GRAMD2B: variants seen among roughly 807,000 people sequenced by gnomAD.
The protein encoded by GRAMD2B is GRAM domain-containing protein 2B.
In GRAMD2B, 41 loss-of-function variants were observed where a neutral mutation model predicts 59.2. That is an observed-to-expected ratio of 0.69 (90% CI 0.54 to 0.90). The LOEUF (loss-of-function observed/expected upper bound fraction) is 0.90. GRAMD2B is among the 40% of genes least tolerant of loss of function. The pLI is 0.00. For synonymous variants in GRAMD2B, 161 were observed against 182.7 expected, an observed-to-expected ratio of 0.88 and a Z score of 0.96; for missense variants, 424 against 500.5, an observed-to-expected ratio of 0.85 and a Z score of 1.46.
intron 1 of GRAMD2B, among the ~76,000 whole-genome samples, chr5:126,450,998 C>G (rs1479629380): frequency 6.6e-6 from 1 of 152,268 alleles, no homozygotes; most frequent in Non-Finnish European, 1.5e-5. Context: ...AGGGCACTGC[C>G]TAGTGGAACT....
At chr5:126,434,708 G>A (rs776022896) in intron 1 of GRAMD2B, among the ~76,000 whole-genome samples, 4 of 152,072 alleles carry the variant, frequency 2.6e-5, no homozygotes, top group Admixed American at 1.3e-4. Context: ...TAGTAGAGAC[G>A]GGGTTTGACC....
In GRAMD2B at chr5:126,464,951, CTG is replaced by C. The variant is rs569084344; in HGVS notation, c.84-473_84-472del. The C allele has an allele frequency of 1.1e-3, 612 of 539,122 alleles. 2 individuals carry two copies. The African/African-American group carries it at 0.012, about 10-fold the overall frequency. The allele number at this position is 539,122 out of a possible 1,614,324, so 33.4% of individuals were successfully genotyped here. A position where few individuals can be genotyped will look rare whatever the true frequency, so the allele number is the denominator to read the frequency against. ...TCTGGGTGGTTGTAAAGATTAGAGA[CTG>C]TAAATTGCTTAGGGAACTGCTTGGT... On this transcript the variant is annotated intron_variant, in intron 1 of 13. Coordinates refer to ENST00000285689, the MANE Select transcript of GRAMD2B (RefSeq NM_023927.4).
intron 1 of GRAMD2B, among the ~76,000 whole-genome samples, chr5:126,380,508 A>G (rs1755575529): frequency 6.6e-6 from 1 of 152,112 alleles, no homozygotes; most frequent in South Asian, 2.1e-4. Context: ...TCATTTTCAC[A>G]ATATTCATTC....
intron 1 of GRAMD2B, among the ~76,000 whole-genome samples, chr5:126,432,466 G>A (rs1276529474): frequency 6.6e-6 from 1 of 152,150 alleles, no homozygotes. Flanking sequence ...AAGCTTTAGT[G>A]TGTATTGCTG....
intron 1 of GRAMD2B, among the ~76,000 whole-genome samples, chr5:126,382,753 G>A (rs1755767266): frequency 6.6e-6 from 1 of 152,092 alleles, no homozygotes; most frequent in Admixed American, 6.5e-5. Flanking sequence ...TCTTTTGGGG[G>A]TGTTAAAAAA....
rs115695021 is a variant in GRAMD2B at position 126,465,898 on chromosome 5, G to A, written c.203+353G>A. On this transcript the variant is annotated intron_variant, in intron 2 of 13. Coordinates refer to ENST00000285689, the MANE Select transcript of GRAMD2B (RefSeq NM_023927.4). ...CTGGTGTCTCACTTTCCTAGGGGCC[G>A]TGAAAAAAAGCCGAGGAAAAGAATC... Among the ~76,000 whole-genome samples, 713 of 152,174 alleles carry A rather than the reference G, an allele frequency of 4.7e-3. 7 individuals are homozygous for A. The highest frequency in any genetic ancestry group is 0.016 in the African/African-American group (681 of 41,518).
Position 126,416,208 on chromosome 5 carries a change from G to A in GRAMD2B, c.125+44641G>A, listed in dbSNP as rs150689842. The stretch of plus-strand genomic sequence containing the variant: ...GGTCTAAACCATCTGAGAGTCATGG[G>A]ACCTTTCTAATCTGGTAGAGGCACT... On this transcript the variant is annotated intron_variant, in intron 1 of 8. Transcript: ENST00000506445. Among the ~76,000 whole-genome samples, 384 of 152,294 alleles carry A rather than the reference G, an allele frequency of 2.5e-3. 2 individuals are homozygous for A. The highest frequency in any genetic ancestry group is 1.8e-3 in the Non-Finnish European group (123 of 68,034).
At chr5:126,486,369 C>T (rs1480188274) in intron 11 of GRAMD2B, among the ~76,000 whole-genome samples, 2 of 152,240 alleles carry the variant, frequency 1.3e-5, no homozygotes, top group Non-Finnish European at 2.9e-5. Flanking sequence ...ATGTTGTCCT[C>T]ATCCCCTTTA....
chr5:126,480,365 C>A (rs2126897895), intron 6 of GRAMD2B, 91 bp from the exon 7 acceptor site: 1 of 833,572 alleles, frequency 1.2e-6, no homozygotes, highest in Admixed American at 2.3e-5. Context: ...TTTGAAAATG[C>A]AAAAGCTGTA....
chr5:126,460,776 T>G (rs1164602780), intron 1 of GRAMD2B, among the ~76,000 whole-genome samples: 2 of 152,222 alleles, frequency 1.3e-5, no homozygotes, highest in Non-Finnish European at 2.9e-5. Flanking sequence ...TGGTTTTCAC[T>G]ACAGTTTCAG....
At position 126,480,712 on chromosome 5, in the gene GRAMD2B, G is replaced by A. The variant is rs374563264; in HGVS notation, c.735+5G>A. On this transcript the variant is annotated splice_donor_5th_base_variant and intron_variant, in intron 8 of 13. Coordinates refer to ENST00000285689, the MANE Select transcript of GRAMD2B (RefSeq NM_023927.4). The stretch of plus-strand genomic sequence containing the variant: ...CGCCCTTCATCTCTGCCTCTGGTAA[G>A]TTGCCCACATAACTATCTAAATGCA... The A allele has an allele frequency of 2.9e-4, 468 of 1,611,960 alleles. No individual in the cohort carries two copies. Among genetic ancestry groups the A allele is most frequent in the Non-Finnish European group, 3.8e-4 (450 of 1,178,202 alleles).
upstream of GRAMD2B, chr5:126,371,191 A>G (rs1754731082): frequency 2.0e-6 from 1 of 498,940 alleles, no homozygotes; most frequent in African/African-American, 2.1e-5. Flanking sequence ...CTAAAAGTTG[A>G]ATTTCCCAAA....
At chr5:126,491,359 T>C (rs1249068612) in intron 13 of GRAMD2B, among the ~76,000 whole-genome samples, 1 of 152,238 alleles carries the variant, frequency 6.6e-6, no homozygotes, top group Non-Finnish European at 1.5e-5. Flanking sequence ...CTTATTTTCT[T>C]AGTTCTGGAA....
At chr5:126,433,732 C>G (rs947944514) in intron 1 of GRAMD2B, 3 of 152,096 alleles carry the variant, frequency 2.0e-5, no homozygotes, top group African/African-American at 7.2e-5. Flanking sequence ...TTTTTAAAAA[C>G]CATAGATGGG....
At chr5:126,405,688 C>CTT (rs750300790) in intron 1 of GRAMD2B, among the ~76,000 whole-genome samples, 1 of 145,008 alleles carries the variant, frequency 6.9e-6, no homozygotes, top group Admixed American at 6.9e-5. Flanking sequence ...TGAGGATATC[C>CTT]TTTTTTTTTT....
chr5:126,429,226 C>T (rs1455328586), intron 1 of GRAMD2B, among the ~76,000 whole-genome samples: 1 of 152,122 alleles, frequency 6.6e-6, no homozygotes, highest in Non-Finnish European at 1.5e-5. Context: ...AGATCACATC[C>T]TTTGCAGGGA....
At chr5:126,472,155 G>T in intron 3 of GRAMD2B, 83 bp from the exon 4 acceptor site, 1 of 1,050,828 alleles carries the variant, frequency 9.5e-7, no homozygotes, top group Non-Finnish European at 1.5e-6. Context: ...ATTAAGGGAG[G>T]GAAAATTTGT....
intron 1 of GRAMD2B, among the ~76,000 whole-genome samples, chr5:126,392,339 A>G (rs1415853018): frequency 6.6e-6 from 1 of 152,174 alleles, no homozygotes; most frequent in Non-Finnish European, 1.5e-5. Flanking sequence ...TGGAGTCTGC[A>G]GGAATCCATG....
intron 1 of GRAMD2B, among the ~76,000 whole-genome samples, chr5:126,414,736 T>C (rs896379333): frequency 6.6e-6 from 1 of 152,188 alleles, no homozygotes. Context: ...CCCAAAGTGC[T>C]GGGATTACAG....
Sources: allele counts gnomAD v4.1 joint callset (sites outside exome capture counted in the v4.1 genomes callset), GRCh38; gene constraint gnomAD v4.1.1; transcripts MANE v1.5; gene names NCBI Gene and HGNC (gene_info 2026-07-23, HGNC 2026-07-21).